Variants in GRID1 observed in about 807,000 individuals in gnomAD.
GRID1 encodes glutamate ionotropic receptor delta type subunit 1, also known as glutamate receptor ionotropic, delta-1.
A neutral mutation model predicts 98.0 loss-of-function variants in GRID1; 28 were observed. That is an observed-to-expected ratio of 0.29 (90% CI 0.21 to 0.39). GRID1 has a LOEUF of 0.39. Ranked by LOEUF, GRID1 falls within the 10% of genes least tolerant of loss-of-function variation. GRID1 has a pLI of 1.00. For synonymous variants in GRID1, 553 were observed against 538.5 expected (o/e 1.03, Z -0.37); for missense variants, 1,111 against 1,340.5 (o/e 0.83, Z 2.67).
At chr10:85,980,104 G>A (rs971194667) in intron 4 of GRID1, among the ~76,000 whole-genome samples, 5 of 152,188 alleles carry the variant, frequency 3.3e-5, no homozygotes, top group Non-Finnish European at 5.9e-5. Flanking sequence ...TTCCTGGAAC[G>A]CTCTCCCCTT....
intron 8 of GRID1, among the ~76,000 whole-genome samples, chr10:85,829,618 CA>C (rs1193749614): frequency 6.6e-6 from 1 of 152,056 alleles, no homozygotes; most frequent in East Asian, 1.9e-4. Flanking sequence ...GATACAAAAT[CA>C]ATACACAAAA....
intron 2 of GRID1, among the ~76,000 whole-genome samples, chr10:86,241,949 G>A (rs370437463): frequency 1.4e-4 from 21 of 152,216 alleles, no homozygotes; most frequent in African/African-American, 4.8e-4. Flanking sequence ...TGCAAGGATC[G>A]AGCTTCACCC....
chr10:86,098,347 C>T (rs1347274861), intron 4 of GRID1, among the ~76,000 whole-genome samples: 4 of 152,182 alleles, frequency 2.6e-5, no homozygotes, highest in Non-Finnish European at 5.9e-5. Context: ...TCTTGCTTTT[C>T]CCTTAGAGCC....
chr10:86,180,536 C>T (rs866575068), intron 3 of GRID1, among the ~76,000 whole-genome samples: 1 of 152,110 alleles, frequency 6.6e-6, no homozygotes, highest in Non-Finnish European at 1.5e-5. Context: ...CCAAGGTTGC[C>T]AGCTCCATGT....
intron 2 of GRID1, among the ~76,000 whole-genome samples, chr10:86,260,909 A>G (rs776335827): frequency 6.6e-6 from 1 of 152,156 alleles, no homozygotes; most frequent in East Asian, 1.9e-4. Flanking sequence ...CTTTAGCTTT[A>G]ATTTGGAGCT....
intron 8 of GRID1, among the ~76,000 whole-genome samples, chr10:85,749,996 C>T (rs182746474): frequency 1.4e-3 from 218 of 152,184 alleles, no homozygotes; most frequent in African/African-American, 5.0e-3. Context: ...TCTATCTCCC[C>T]TCACTGGAAT....
intron 2 of GRID1, among the ~76,000 whole-genome samples, chr10:86,316,432 T>TC (rs924405740): frequency 1.3e-5 from 2 of 151,716 alleles, no homozygotes; most frequent in African/African-American, 4.8e-5. Context: ...GATACAACAA[T>TC]CCCCCCCATC....
At chr10:85,857,710 A>G (rs539758768) in intron 6 of GRID1, among the ~76,000 whole-genome samples, 5 of 152,306 alleles carry the variant, frequency 3.3e-5, no homozygotes, top group African/African-American at 7.2e-5. Context: ...AATATTTTAG[A>G]AAAACAAAAT....
intron 2 of GRID1, among the ~76,000 whole-genome samples, chr10:86,358,493 T>C (rs778955998): frequency 1.3e-5 from 2 of 151,968 alleles, no homozygotes; most frequent in Non-Finnish European, 2.9e-5. Flanking sequence ...GCACGGTGGC[T>C]CACATCTGTA....
At chr10:85,727,223 G>T (rs1296357791) in intron 10 of GRID1, among the ~76,000 whole-genome samples, 1 of 152,138 alleles carries the variant, frequency 6.6e-6, no homozygotes, top group Non-Finnish European at 1.5e-5. Context: ...TGTCAGAATG[G>T]TGGCAGGAGA....
In GRID1 at chr10:85,948,108, T is replaced by C. The variant is rs145388110; in HGVS notation, c.727-31869A>G. On this transcript the variant is annotated intron_variant, in intron 4 of 15. Transcript: ENST00000327946. ...AACTAGTGAAATTCAAATAAAGTCT[T>C]GGGTTTAAATAGTAATGTACCATTG... Among the ~76,000 whole-genome samples, 223 of 152,304 alleles carry C rather than the reference T, an allele frequency of 1.5e-3. 1 individual carries two copies. The highest frequency in any genetic ancestry group is 5.0e-3 in the African/African-American group (209 of 41,562).
intron 4 of GRID1, among the ~76,000 whole-genome samples, chr10:86,124,010 G>A (rs899189830): frequency 2.0e-5 from 3 of 152,176 alleles, no homozygotes; most frequent in African/African-American, 7.2e-5. Context: ...TCCAGGCCTC[G>A]TGGCCCAGGC....
intron 2 of GRID1, among the ~76,000 whole-genome samples, chr10:86,319,052 C>G (rs1564737608): frequency 6.6e-6 from 1 of 152,014 alleles, no homozygotes; most frequent in Non-Finnish European, 1.5e-5. Context: ...AAAGGGCGTT[C>G]AGGGTGGGGG....
chr10:85,723,219 A>G lies in GRID1; in HGVS notation c.1859-78T>C. The G allele has an allele frequency of 3.5e-6, 5 of 1,408,656 alleles. No individual in the cohort carries two copies. The South Asian group carries it at 7.5e-5, about 21-fold the overall frequency. The allele number at this position is 1,408,656 out of a possible 1,614,324, so 87.3% of individuals were successfully genotyped here. ...TCCCCAGGGAGGTGTTCTGCCCTGCAGCCAGGCACACAGGCCATCACTCGT... is the reference window on the plus strand; with the variant it reads ...TCCCCAGGGAGGTGTTCTGCCCTGCGGCCAGGCACACAGGCCATCACTCGT... On this transcript the variant is annotated intron_variant, in intron 11 of 15. Coordinates refer to ENST00000327946, the MANE Select transcript of GRID1 (RefSeq NM_017551.3).
chr10:85,881,222 C>A (rs1589285973), intron 5 of GRID1, among the ~76,000 whole-genome samples: 1 of 152,232 alleles, frequency 6.6e-6, no homozygotes, highest in South Asian at 2.1e-4. Context: ...AGATTCAATG[C>A]CATCCCCATC....
chr10:85,812,444 A>G (rs1384206786), intron 8 of GRID1, among the ~76,000 whole-genome samples: 1 of 152,156 alleles, frequency 6.6e-6, no homozygotes, highest in African/African-American at 2.4e-5. Context: ...AAGGTGACAT[A>G]TATGTTGTGA....
At chr10:86,190,109 G>A (rs1194282350) in intron 3 of GRID1, among the ~76,000 whole-genome samples, 5 of 151,982 alleles carry the variant, frequency 3.3e-5, no homozygotes, top group South Asian at 2.1e-4. Context: ...AAAACACACC[G>A]TTACCTTGAA....
chr10:86,136,370 G>T (rs1346803202), intron 4 of GRID1, among the ~76,000 whole-genome samples: 1 of 152,198 alleles, frequency 6.6e-6, no homozygotes, highest in Non-Finnish European at 1.5e-5. Flanking sequence ...CTTCCCCGAT[G>T]AAGCCAGCAT....
intron 15 of GRID1, 90 bp downstream of exon 15, chr10:85,613,317 C>A (rs1300155051): frequency 2.3e-6 from 3 of 1,307,972 alleles, no homozygotes; most frequent in Non-Finnish European, 3.1e-6. Context: ...CAGGTAAATA[C>A]TAACTAGAAA....
Sources: gnomAD v4.1 joint callset for allele counts (sites outside exome capture counted in the v4.1 genomes callset) on GRCh38, gnomAD v4.1.1 for gene constraint, MANE v1.5 for transcripts, NCBI Gene and HGNC (gene_info 2026-07-23, HGNC 2026-07-21) for gene names.